Variants in GRIK2 observed in about 807,000 individuals in gnomAD.
The protein encoded by GRIK2 is glutamate receptor ionotropic, kainate 2.
A neutral mutation model predicts 100.3 loss-of-function variants in GRIK2; 32 were observed. The ratio of observed to expected loss-of-function variants is 0.32; its 90% CI spans 0.24 to 0.43. The LOEUF (loss-of-function observed/expected upper bound fraction) is 0.43, where lower values mean the gene tolerates loss of function less well. GRIK2 is among the 20% of genes least tolerant of loss of function. The probability of loss-of-function intolerance (pLI) is 1.00; values close to 1 mark genes in which losing one functional copy is unlikely to be tolerated. For synonymous variants in GRIK2, 417 were observed against 389.4 expected (o/e 1.07, Z -0.83); for missense variants, 843 against 1,114.9 (o/e 0.76, Z 3.47).
intron 7 of GRIK2, among the ~76,000 whole-genome samples, chr6:101,761,242 T>C (rs1249814625): frequency 6.6e-6 from 1 of 152,114 alleles, no homozygotes; most frequent in African/African-American, 2.4e-5. Flanking sequence ...ACAATGTGAA[T>C]TGCTGGGTGG....
intron 11 of GRIK2, among the ~76,000 whole-genome samples, chr6:101,879,464 C>T (rs996623422): frequency 6.6e-6 from 1 of 151,960 alleles, no homozygotes; most frequent in Middle Eastern, 3.4e-3. Flanking sequence ...TTAAGAGAGC[C>T]AATTTCATAG....
intron 12 of GRIK2, among the ~76,000 whole-genome samples, chr6:101,909,251 T>G (rs1340287): frequency 0.85 from 127,305 of 150,070 alleles, 54,121 homozygotes; most frequent in East Asian, 0.94. Context: ...TATATAAACA[T>G]GATTATTGTT....
chr6:101,440,892 T>G (rs1043971446), intron 2 of GRIK2, among the ~76,000 whole-genome samples: 4 of 65,668 alleles, frequency 6.1e-5, no homozygotes, highest in Non-Finnish European at 1.1e-4. Flanking sequence ...GCTTTTTTGT[T>G]TTTTTTTTTT....
intron 11 of GRIK2, among the ~76,000 whole-genome samples, chr6:101,866,019 A>T (rs552632036): frequency 6.6e-6 from 1 of 152,320 alleles, no homozygotes; most frequent in African/African-American, 2.4e-5. Context: ...TGGCAAAAAC[A>T]ACTAAAATCA....
intron 2 of GRIK2, among the ~76,000 whole-genome samples, chr6:101,541,286 C>T (rs938478359): frequency 2.6e-5 from 4 of 151,576 alleles, no homozygotes; most frequent in African/African-American, 9.7e-5. Flanking sequence ...AGAATATTGG[C>T]TGAGAGTGTT....
chr6:101,880,317 T>C (rs772182024), intron 11 of GRIK2, among the ~76,000 whole-genome samples: 4 of 152,120 alleles, frequency 2.6e-5, no homozygotes, highest in Non-Finnish European at 5.9e-5. Flanking sequence ...TATTTACTGC[T>C]ATATTGCTCT....
intron 15 of GRIK2, among the ~76,000 whole-genome samples, chr6:102,051,243 C>CCCTT (rs2114490652): frequency 8.1e-6 from 1 of 122,898 alleles, no homozygotes; most frequent in African/African-American, 3.0e-5. Flanking sequence ...CTGCCTGCTT[C>CCCTT]CCTCCCTCCC....
At chr6:101,908,796 T>TAGAA (rs10676659) in intron 12 of GRIK2, among the ~76,000 whole-genome samples, 128,342 of 150,778 alleles carry the variant, frequency 0.85, 54,755 homozygotes, top group East Asian at 0.94. Context: ...ATAATGTTCA[T>TAGAA]AGCACATTCA....
chr6:101,980,147 T>A (rs574760743), intron 14 of GRIK2, among the ~76,000 whole-genome samples: 1 of 151,980 alleles, frequency 6.6e-6, no homozygotes, highest in Non-Finnish European at 1.5e-5. Context: ...TTCTACATAG[T>A]GCTCTTCCAC....
chr6:101,905,026 C>G (rs1562478062), intron 12 of GRIK2, among the ~76,000 whole-genome samples: 1 of 151,384 alleles, frequency 6.6e-6, no homozygotes, highest in Non-Finnish European at 1.5e-5. Flanking sequence ...ACATGTTAGA[C>G]AAGAAATGAC....
chr6:101,963,823 T>C (rs1437844181), intron 14 of GRIK2, among the ~76,000 whole-genome samples: 5 of 152,108 alleles, frequency 3.3e-5, no homozygotes, highest in Non-Finnish European at 7.4e-5. Flanking sequence ...CTCCACTTAA[T>C]TGCTTACCAA....
chr6:101,411,389 C>T (rs1465751009), intron 2 of GRIK2, among the ~76,000 whole-genome samples: 4 of 152,016 alleles, frequency 2.6e-5, no homozygotes, highest in Non-Finnish European at 5.9e-5. Flanking sequence ...AATGTCTGGT[C>T]CCCAAACCTA....
intron 2 of GRIK2, among the ~76,000 whole-genome samples, chr6:101,608,527 G>A: frequency 6.6e-6 from 1 of 151,888 alleles, no homozygotes; most frequent in South Asian, 2.1e-4. Context: ...CTTGCTCAAA[G>A]ATTATTCCTT....
intron 4 of GRIK2, among the ~76,000 whole-genome samples, chr6:101,645,741 T>G (rs1305707861): frequency 1.3e-5 from 2 of 151,888 alleles, no homozygotes; most frequent in Non-Finnish European, 2.9e-5. Context: ...TATTGCAGCA[T>G]TATGTAAAAA....
In GRIK2 at chr6:101,595,609, AACAC is replaced by A. The variant is rs540727433; in HGVS notation, c.116-26334_116-26331del. On this transcript the variant is annotated intron_variant, in intron 2 of 16. Transcript: ENST00000369134. ...ATATATATACACACACACAGGTACA[AACAC>A]ACACATGTGTATGCATACACACACA... 2.6e-5 allele frequency among the ~76,000 whole-genome samples: 4 copies of A among 150,988 alleles called. No individual in the cohort carries two copies. In the South Asian group the frequency reaches 6.3e-4, roughly 24 times the overall value.
chr6:101,743,139 G>T (rs1237853533), intron 7 of GRIK2, among the ~76,000 whole-genome samples: 1 of 152,138 alleles, frequency 6.6e-6, no homozygotes, highest in Non-Finnish European at 1.5e-5. Context: ...GTCACCTATT[G>T]GACATTTACA....
At chr6:101,846,963 G>A (rs1488531826) in intron 10 of GRIK2, among the ~76,000 whole-genome samples, 6 of 150,742 alleles carry the variant, frequency 4.0e-5, no homozygotes, top group African/African-American at 1.5e-4. Context: ...TGGTTCCATT[G>A]CTTCTCTCTA....
At chr6:101,506,890 A>G (rs1774050684) in intron 2 of GRIK2, among the ~76,000 whole-genome samples, 1 of 152,136 alleles carries the variant, frequency 6.6e-6, no homozygotes, top group East Asian at 1.9e-4. Context: ...AAATCAAGCT[A>G]GAATGATTCA....
intron 14 of GRIK2, among the ~76,000 whole-genome samples, chr6:101,973,789 A>T (rs1442462181): frequency 6.6e-6 from 1 of 151,900 alleles, no homozygotes; most frequent in Non-Finnish European, 1.5e-5. Flanking sequence ...ATACAGTACG[A>T]ACTAAAAGCA....
Sources: allele counts gnomAD v4.1 joint callset (sites outside exome capture counted in the v4.1 genomes callset), GRCh38; gene constraint gnomAD v4.1.1; transcripts MANE v1.5; gene names NCBI Gene and HGNC (gene_info 2026-07-23, HGNC 2026-07-21).